ATP9B: variants seen among roughly 807,000 people sequenced by gnomAD.
The protein encoded by ATP9B is probable phospholipid-transporting ATPase IIB.
ATP9B carries 110 observed loss-of-function variants against 146.1 expected under a neutral mutation model. The observed-to-expected ratio is 0.75, with a 90% CI of 0.65 to 0.88. ATP9B has a LOEUF of 0.88. Among genes scored for constraint, ATP9B ranks in the 40% least tolerant of loss-of-function variants. ATP9B has a pLI of 0.00. For synonymous variants in ATP9B, 604 were observed against 569.7 expected (o/e 1.06, Z -0.86); for missense variants, 1,499 against 1,496.4 (o/e 1.00, Z -0.03).
chr18:79,291,073 G>T (rs1019716858), intron 13 of ATP9B, among the ~76,000 whole-genome samples: 1 of 152,246 alleles, frequency 6.6e-6, no homozygotes, highest in East Asian at 1.9e-4. Flanking sequence ...CTCTGAGAAT[G>T]ATGCCTGCAG....
intron 15 of ATP9B, among the ~76,000 whole-genome samples, chr18:79,321,903 T>G (rs538290944): frequency 8.9e-4 from 136 of 152,288 alleles, no homozygotes; most frequent in African/African-American, 2.7e-3. Context: ...AATTTACAGG[T>G]CAAAATGTAA....
At chr18:79,126,202 A>G in intron 4 of ATP9B, 65 bp from the exon 5 acceptor site, 4 of 1,366,396 alleles carry the variant, frequency 2.9e-6, no homozygotes, top group Non-Finnish European at 4.1e-6. Flanking sequence ...TAAACCAAGT[A>G]ACAAATAATT....
At chr18:79,164,054 G>T (rs1188769199) in intron 7 of ATP9B, among the ~76,000 whole-genome samples, 1 of 151,994 alleles carries the variant, frequency 6.6e-6, no homozygotes, top group South Asian at 2.1e-4. Flanking sequence ...GAGTAGCTGG[G>T]ACTACAGGTG....
chr18:79,372,673 GC>G (rs756079797), intron 26 of ATP9B, 151 bp from the exon 27 acceptor site: 27 of 697,758 alleles, frequency 3.9e-5, no homozygotes, highest in Non-Finnish European at 6.9e-5. Context: ...AGGAAAAGGC[GC>G]CCGAAATGCT....
intron 9 of ATP9B, among the ~76,000 whole-genome samples, chr18:79,201,873 T>A (rs910569152): frequency 9.9e-5 from 15 of 152,068 alleles, no homozygotes; most frequent in South Asian, 2.1e-4. Context: ...ATTTCTGATT[T>A]AAAAAAATTT....
At chr18:79,332,254 C>T (rs1004420961) in intron 17 of ATP9B, among the ~76,000 whole-genome samples, 15 of 151,736 alleles carry the variant, frequency 9.9e-5, no homozygotes, top group Middle Eastern at 3.4e-3. Context: ...ACGGTGAAAC[C>T]CCATCTCTAC....
chr18:79,306,252 T>A (rs2096619689), intron 14 of ATP9B, among the ~76,000 whole-genome samples: 2 of 152,296 alleles, frequency 1.3e-5, no homozygotes, highest in Middle Eastern at 3.4e-3. Flanking sequence ...CCTGTTGGGG[T>A]TGGGGGGAGT....
chr18:79,150,352 G>A (rs2147561467), intron 6 of ATP9B, among the ~76,000 whole-genome samples: 1 of 152,082 alleles, frequency 6.6e-6, no homozygotes, highest in Admixed American at 6.6e-5. Flanking sequence ...CCCAACAGTT[G>A]CACTCCTGGA....
At chr18:79,351,999 T>G (rs1235154766) in intron 25 of ATP9B, among the ~76,000 whole-genome samples, 1 of 151,744 alleles carries the variant, frequency 6.6e-6, no homozygotes, top group Non-Finnish European at 1.5e-5. Flanking sequence ...CTCTGTAGGG[T>G]GCAGCATTGT....
At chr18:79,217,424 T>A (rs982347012) in intron 11 of ATP9B, among the ~76,000 whole-genome samples, 1 of 152,190 alleles carries the variant, frequency 6.6e-6, no homozygotes, top group Admixed American at 6.5e-5. Context: ...GACCTCGTGA[T>A]CCGCCCGCCT....
intron 15 of ATP9B, among the ~76,000 whole-genome samples, chr18:79,307,612 A>G (rs762543773): frequency 1.3e-5 from 2 of 152,242 alleles, no homozygotes; most frequent in Non-Finnish European, 2.9e-5. Flanking sequence ...GTCCAAATTG[A>G]ATCATCTGGT....
chr18:79,361,892 A>T, intron 26 of ATP9B: 2 of 680,420 alleles, frequency 2.9e-6, no homozygotes, highest in Non-Finnish European at 3.6e-6. Flanking sequence ...GCGATGTAGG[A>T]CAACATAGCC....
At chr18:79,124,971 G>T (rs1362279224) in intron 4 of ATP9B, among the ~76,000 whole-genome samples, 1 of 152,200 alleles carries the variant, frequency 6.6e-6, no homozygotes, top group Non-Finnish European at 1.5e-5. Context: ...ACAGCCAGGA[G>T]AATGTGGTGT....
In ATP9B at chr18:79,072,793, A is replaced by G. The variant is rs367555650; in HGVS notation, c.119+3264A>G. ...TGGGCGGAGATGCTTCTCACCTCCCAGATGGGGTGGCTGCCGGGCAGAGGG... is the reference window on the plus strand; with the variant it reads ...TGGGCGGAGATGCTTCTCACCTCCCGGATGGGGTGGCTGCCGGGCAGAGGG... On this transcript the variant is annotated intron_variant, in intron 1 of 29. Coordinates refer to ENST00000426216, the MANE Select transcript of ATP9B (RefSeq NM_198531.5). Among the ~76,000 whole-genome samples, 4 of 152,118 alleles carry G rather than the reference A, an allele frequency of 2.6e-5. No homozygotes were observed. The South Asian group carries it at 8.3e-4, about 32-fold the overall frequency.
At chr18:79,199,859 T>C (rs1240770051) in intron 9 of ATP9B, among the ~76,000 whole-genome samples, 1 of 152,124 alleles carries the variant, frequency 6.6e-6, no homozygotes, top group East Asian at 1.9e-4. Context: ...CTACACATTT[T>C]GTCCTGCTGG....
chr18:79,263,900 C>T (rs929246214), intron 12 of ATP9B, among the ~76,000 whole-genome samples: 17 of 152,078 alleles, frequency 1.1e-4, no homozygotes, highest in Non-Finnish European at 1.6e-4. Context: ...CTGGCTAACA[C>T]GGTGAAACCC....
intron 15 of ATP9B, among the ~76,000 whole-genome samples, chr18:79,319,994 A>G (rs2096706221): frequency 6.6e-6 from 1 of 152,188 alleles, no homozygotes; most frequent in Non-Finnish European, 1.5e-5. Flanking sequence ...CAGAGCCCAG[A>G]TTGCTCTGCA....
intron 11 of ATP9B, among the ~76,000 whole-genome samples, chr18:79,245,070 C>T (rs997165051): frequency 3.3e-5 from 5 of 152,128 alleles, no homozygotes; most frequent in African/African-American, 1.2e-4. Flanking sequence ...CCAGTGACCT[C>T]CCACCCCCCA....
intron 1 of ATP9B, chr18:79,086,540 TAG>T (rs2073854418): frequency 6.6e-6 from 1 of 151,610 alleles, no homozygotes. Flanking sequence ...CTAATAGTAT[TAG>T]CATGAAGACA....
Sources: allele counts gnomAD v4.1 joint callset (sites outside exome capture counted in the v4.1 genomes callset), GRCh38; gene constraint gnomAD v4.1.1; transcripts MANE v1.5; gene names NCBI Gene and HGNC (gene_info 2026-07-23, HGNC 2026-07-21).